The following STK3 variants were observed in gnomAD, a reference collection of about 807,000 sequenced individuals.
STK3 encodes the protein serine/threonine-protein kinase 3.
Under a neutral mutation model 58.0 loss-of-function variants are expected in STK3, and 41 were observed. That is an observed-to-expected ratio of 0.71 (90% CI 0.55 to 0.92). The LOEUF is 0.92. Among genes scored for constraint, STK3 ranks in the 40% least tolerant of loss-of-function variants. STK3 has a pLI of 0.00. For synonymous variants in STK3, 170 were observed against 191.0 expected, an observed-to-expected ratio of 0.89 and a Z score of 0.91; for missense variants, 479 against 602.7, an observed-to-expected ratio of 0.79 and a Z score of 2.15.
chr8:98,350,391 T>G, the STK3 span, among the ~76,000 whole-genome samples: 1 of 152,180 alleles, frequency 6.6e-6, no homozygotes, highest in African/African-American at 2.4e-5. Flanking sequence ...TCTGGGAAGT[T>G]CCAAATTGTC....
At chr8:98,688,576 T>A (rs887427222) in intron 6 of STK3, among the ~76,000 whole-genome samples, 2 of 152,126 alleles carry the variant, frequency 1.3e-5, no homozygotes, top group African/African-American at 4.8e-5. Flanking sequence ...AAGCATCTTT[T>A]CAGACCACAA....
At chr8:98,888,920 A>G (rs1040807289) in intron 1 of STK3, among the ~76,000 whole-genome samples, 1 of 152,156 alleles carries the variant, frequency 6.6e-6, no homozygotes, top group African/African-American at 2.4e-5. Flanking sequence ...CACATGAACC[A>G]ATTCAGTTTA....
chr8:98,505,338 C>T (rs1823972747), intron 10 of STK3, among the ~76,000 whole-genome samples: 1 of 152,156 alleles, frequency 6.6e-6, no homozygotes, highest in Non-Finnish European at 1.5e-5. Flanking sequence ...GTTCGAACAT[C>T]CTCCTTTAGC....
chr8:98,667,719 C>T lies in STK3; in HGVS notation c.684+38748G>A, dbSNP rs182201224. ...CCTATGCTGTTTTAAAAATAAAAAA[C>T]GAAGTACAAAACAAATGTTAAATTC... On this transcript the variant is annotated intron_variant, in intron 6 of 10. Transcript: ENST00000419617. 9.3e-3 allele frequency among the ~76,000 whole-genome samples: 1,409 copies of T among 151,960 alleles called. 18 individuals carry two copies. Among genetic ancestry groups the T allele is most frequent in the African/African-American group, 0.032 (1,331 of 41,510 alleles).
intron 1 of STK3, among the ~76,000 whole-genome samples, chr8:98,789,393 G>C (rs1832669311): frequency 1.3e-5 from 2 of 151,510 alleles, no homozygotes. Context: ...TATAAGAAAG[G>C]AAATAACCAA....
chr8:98,685,992 A>G (rs1042889775), intron 6 of STK3, among the ~76,000 whole-genome samples: 2 of 152,228 alleles, frequency 1.3e-5, no homozygotes, highest in African/African-American at 4.8e-5. Context: ...ATATATACAT[A>G]TAACTGAATA....
chr8:98,647,412 C>T (rs1820483005), intron 6 of STK3, among the ~76,000 whole-genome samples: 1 of 152,076 alleles, frequency 6.6e-6, no homozygotes, highest in South Asian at 2.1e-4. Flanking sequence ...ATATCTATTG[C>T]CTCCTTCTAG....
At chr8:98,711,757 C>A (rs1040879465) in intron 4 of STK3, among the ~76,000 whole-genome samples, 13 of 152,060 alleles carry the variant, frequency 8.5e-5, no homozygotes, top group African/African-American at 3.1e-4. Context: ...AGGCAGGCTA[C>A]CATTGAAATT....
downstream of STK3, among the ~76,000 whole-genome samples, chr8:98,453,405 G>A (rs902631609): frequency 1.3e-5 from 2 of 152,114 alleles, no homozygotes; most frequent in Non-Finnish European, 2.9e-5. Context: ...TTCATGGCTT[G>A]TGATTCTTCA....
At chr8:98,555,837 G>A (rs1190942657) in intron 8 of STK3, among the ~76,000 whole-genome samples, 2 of 151,968 alleles carry the variant, frequency 1.3e-5, no homozygotes, top group East Asian at 3.9e-4. Context: ...CGGAGCTATG[G>A]TAATAAGCCA....
rs189790271 is a variant in STK3, at chr8:98,757,465, T to C, written c.237-8075A>G. ...AAAAAATTAGCCGGGCCTGGTGGCA[T>C]GCACCTGTAATCCCAGCTACTCAGG... On this transcript the variant is annotated intron_variant, in intron 3 of 10. Coordinates refer to ENST00000419617, the MANE Select transcript of STK3 (RefSeq NM_006281.4). 8.6e-3 allele frequency among the ~76,000 whole-genome samples: 1,284 copies of C among 149,406 alleles called. 8 individuals carry two copies. The highest frequency in any genetic ancestry group is 0.03 in the African/African-American group (1,208 of 40,816).
chr8:98,686,751 G>A (rs1257369400), intron 6 of STK3, among the ~76,000 whole-genome samples: 1 of 152,010 alleles, frequency 6.6e-6, no homozygotes, highest in Non-Finnish European at 1.5e-5. Context: ...CAGAACCTCT[G>A]GAACTGAAAA....
intron 6 of STK3, among the ~76,000 whole-genome samples, chr8:98,690,905 G>T (rs747637486): frequency 2.0e-5 from 3 of 152,162 alleles, no homozygotes; most frequent in Non-Finnish European, 4.4e-5. Context: ...CATGTCCTTT[G>T]CAGGAATGTG....
chr8:98,894,030 A>T (rs1476182), intron 1 of STK3, among the ~76,000 whole-genome samples: 145,910 of 152,352 alleles, frequency 0.96, 69,936 homozygotes, highest in East Asian at 1. Context: ...CTGGTTTATT[A>T]GTTTGTTATA....
At chr8:98,657,552 T>G (rs988954857) in intron 6 of STK3, among the ~76,000 whole-genome samples, 2 of 151,962 alleles carry the variant, frequency 1.3e-5, no homozygotes, top group Admixed American at 6.6e-5. Context: ...CCATGAAAAA[T>G]AGATATAAAT....
intron 1 of STK3, among the ~76,000 whole-genome samples, chr8:98,806,185 T>G (rs1044871717): frequency 6.6e-6 from 1 of 152,160 alleles, no homozygotes; most frequent in Non-Finnish European, 1.5e-5. Flanking sequence ...ACACTACTGT[T>G]TAAATAACAT....
chr8:98,723,835 C>G (rs1827613597), intron 4 of STK3, among the ~76,000 whole-genome samples: 1 of 152,026 alleles, frequency 6.6e-6, no homozygotes, highest in Admixed American at 6.6e-5. Context: ...CAATGTAATC[C>G]TTACACAGTC....
At chr8:98,597,115 G>T in intron 6 of STK3, 1 of 248,646 alleles carries the variant, frequency 4.0e-6, no homozygotes, top group Middle Eastern at 2.0e-3. Flanking sequence ...AATTACTCCA[G>T]AATTCAAGAA....
chr8:98,757,742 A>G (rs1490608791), intron 3 of STK3, among the ~76,000 whole-genome samples: 1 of 152,160 alleles, frequency 6.6e-6, no homozygotes, highest in Non-Finnish European at 1.5e-5. Flanking sequence ...CAAACAACAA[A>G]TATTCACTGA....
Sources: allele counts gnomAD v4.1 joint callset (sites outside exome capture counted in the v4.1 genomes callset), GRCh38; gene constraint gnomAD v4.1.1; transcripts MANE v1.5; gene names NCBI Gene and HGNC (gene_info 2026-07-23, HGNC 2026-07-21).